LRBA: variants seen among roughly 807,000 people sequenced by gnomAD.
LRBA encodes the protein LPS responsive beige-like anchor protein, also known as lipopolysaccharide-responsive and beige-like anchor protein.
LRBA carries 176 observed loss-of-function variants against 330.0 expected under a neutral mutation model. The observed-to-expected ratio is 0.53, with a 90% CI of 0.47 to 0.60. The LOEUF (loss-of-function observed/expected upper bound fraction) is 0.60, where lower values mean the gene tolerates loss of function less well. LRBA is among the 20% of genes least tolerant of loss of function. LRBA has a pLI of 0.00. For synonymous variants in LRBA, 1,230 were observed against 1,193.0 expected, an observed-to-expected ratio of 1.03 and a Z score of -0.64; for missense variants, 3,259 against 3,444.8, an observed-to-expected ratio of 0.95 and a Z score of 1.35.
intron 31 of LRBA, among the ~76,000 whole-genome samples, chr4:150,810,586 C>G (rs138500691): frequency 3.4e-4 from 52 of 152,198 alleles, no homozygotes; most frequent in African/African-American, 1.2e-3. Flanking sequence ...CACACTTCAT[C>G]ATGCTGACAA....
chr4:150,277,722 G>A lies in LRBA; in HGVS notation c.8468+131C>T, dbSNP rs1746977050. ...TTGCAATGTTGCCCAGGCTGGCTTC[G>A]AACTCCTGGGCTCAAGTGATTCTCC... is the stretch of plus-strand genomic sequence containing the variant. On this transcript the variant is annotated intron_variant, in intron 56 of 56. Coordinates refer to ENST00000651943, the MANE Select transcript of LRBA (RefSeq NM_001364905.1). The A allele has an allele frequency of 1.3e-5, 13 of 971,610 alleles. No homozygotes were observed. In the Admixed American group the frequency reaches 1.9e-4, roughly 14 times the overall value. The allele number at this position is 971,610 out of a possible 1,614,324, so 60.2% of individuals were successfully genotyped here. A position where few individuals can be genotyped will look rare whatever the true frequency, so the allele number is the denominator to read the frequency against.
At chr4:150,486,845 T>G (rs541600406) in intron 42 of LRBA, among the ~76,000 whole-genome samples, 1 of 151,970 alleles carries the variant, frequency 6.6e-6, no homozygotes, top group South Asian at 2.1e-4. Context: ...TCTACTTCTA[T>G]GAGTCTAACT....
intron 2 of LRBA, among the ~76,000 whole-genome samples, chr4:151,010,831 C>T (rs1744743410): frequency 6.7e-6 from 1 of 148,440 alleles, no homozygotes; most frequent in Non-Finnish European, 1.5e-5. Context: ...TTGCAGTGAG[C>T]TGAGATCGCA....
rs558606456 is a variant in LRBA at position 150,295,679 on chromosome 4, T to C, written c.8017+6946A>G. 1.3e-4 allele frequency among the ~76,000 whole-genome samples: 20 copies of C among 152,316 alleles called. No homozygotes were observed. In the South Asian group the frequency reaches 4.1e-3, roughly 32 times the overall value. On this transcript the variant is annotated intron_variant, in intron 53 of 56. Transcript: ENST00000651943. ...TACTTTTTCTATGCATAAATGTACA[T>C]AGAATACAAGTGTATACACATATAG... is the stretch of plus-strand genomic sequence containing the variant.
chr4:150,681,088 T>C (rs1294065090), intron 37 of LRBA, among the ~76,000 whole-genome samples: 2 of 152,234 alleles, frequency 1.3e-5, no homozygotes, highest in Non-Finnish European at 2.9e-5. Context: ...GCAAAGAAAT[T>C]ATACTTAATT....
intron 47 of LRBA, among the ~76,000 whole-genome samples, chr4:150,399,023 T>C (rs1257496161): frequency 6.6e-6 from 1 of 151,946 alleles, no homozygotes; most frequent in Non-Finnish European, 1.5e-5. Flanking sequence ...GCAAAGAAAA[T>C]ATGGTTGCAG....
chr4:150,906,011 A>G (rs1344616015), intron 12 of LRBA, 21 bp from the exon 13 acceptor site: 2 of 1,606,646 alleles, frequency 1.2e-6, no homozygotes, highest in Non-Finnish European at 1.7e-6. Flanking sequence ...AGTAGTTCAA[A>G]TGTTACCACA....
At chr4:150,816,056 T>A (rs1744544941) in intron 31 of LRBA, among the ~76,000 whole-genome samples, 1 of 151,730 alleles carries the variant, frequency 6.6e-6, no homozygotes, top group Non-Finnish European at 1.5e-5. Flanking sequence ...ATAGTACACA[T>A]CAAGGAAAAA....
At chr4:150,549,034 C>G (rs1282144511) in intron 40 of LRBA, among the ~76,000 whole-genome samples, 1 of 152,012 alleles carries the variant, frequency 6.6e-6, no homozygotes, top group Admixed American at 6.5e-5. Flanking sequence ...CACCTATGTT[C>G]CAACCGTAAA....
intron 38 of LRBA, among the ~76,000 whole-genome samples, chr4:150,598,398 A>T (rs1051347666): frequency 6.6e-6 from 1 of 152,206 alleles, no homozygotes; most frequent in Non-Finnish European, 1.5e-5. Flanking sequence ...TCATAGTCAT[A>T]TGCATTGTAT....
At chr4:150,973,148 C>CTGTTTGTT (rs3033033) in intron 2 of LRBA, among the ~76,000 whole-genome samples, 5,522 of 149,544 alleles carry the variant, frequency 0.037, 104 homozygotes, top group Middle Eastern at 0.058. Flanking sequence ...TTTTGTCTGT[C>CTGTTTGTT]TGTTTGTTTG....
chr4:150,830,952 A>T (rs1747087117), intron 29 of LRBA, among the ~76,000 whole-genome samples: 1 of 151,788 alleles, frequency 6.6e-6, no homozygotes, highest in Non-Finnish European at 1.5e-5. Flanking sequence ...TTTAGTAGAG[A>T]TAGGGTTTTA....
At chr4:150,918,827 G>T (rs1240098707) in intron 5 of LRBA, among the ~76,000 whole-genome samples, 1 of 152,142 alleles carries the variant, frequency 6.6e-6, no homozygotes, top group Non-Finnish European at 1.5e-5. Context: ...ATTGCTGTGG[G>T]ATCGTAAAAT....
intron 36 of LRBA, among the ~76,000 whole-genome samples, chr4:150,722,919 G>A (rs2127087638): frequency 6.6e-6 from 1 of 152,128 alleles, no homozygotes; most frequent in Non-Finnish European, 1.5e-5. Flanking sequence ...CTCAACGACT[G>A]GAGAACTTTA....
intron 48 of LRBA, among the ~76,000 whole-genome samples, chr4:150,348,477 T>C (rs1292685723): frequency 6.6e-6 from 1 of 152,126 alleles, no homozygotes; most frequent in Non-Finnish European, 1.5e-5. Flanking sequence ...AAATTAGAAA[T>C]ACGGAGATTG....
At chr4:150,654,951 C>G (rs1024276666) in intron 37 of LRBA, among the ~76,000 whole-genome samples, 1 of 152,084 alleles carries the variant, frequency 6.6e-6, no homozygotes, top group Non-Finnish European at 1.5e-5. Context: ...CATTGTTGGA[C>G]ATTTGGGTTG....
intron 17 of LRBA, among the ~76,000 whole-genome samples, chr4:150,885,644 A>T (rs1327930883): frequency 1.3e-5 from 2 of 152,162 alleles, no homozygotes; most frequent in East Asian, 3.8e-4. Context: ...AATCACAACT[A>T]AACAAACCAC....
At chr4:151,001,814 T>C (rs2149652336) in intron 2 of LRBA, among the ~76,000 whole-genome samples, 1 of 152,274 alleles carries the variant, frequency 6.6e-6, no homozygotes, top group East Asian at 1.9e-4. Context: ...CCACTGATAC[T>C]GGTGCCAGTG....
In LRBA at chr4:150,849,426, G is replaced by A; in HGVS notation, c.4154C>T (p.Ala1385Val). 6.2e-7 allele frequency: 1 copy of A among 1,613,668 alleles called. No individual in the cohort carries two copies. The highest frequency in any genetic ancestry group is 8.5e-7 in the Non-Finnish European group (1 of 1,179,778). Residue 1385 changes from alanine to valine, a missense_variant, in exon 25 of 57, where the codon GCT (alanine) becomes GTT (valine). By Grantham distance (64) the Ala-to-Val change is moderately conservative. Coordinates refer to ENST00000651943, the MANE Select transcript of LRBA (RefSeq NM_001364905.1). ...CTATAGTAATTAAGTCCTTACTGTA[G>A]CCGATGTAGCAGCTGAAAGCAATGG... ...ILPLLSAATS[A>V]THELENIEPT... is the part of the protein sequence containing the mutation.
Sources: allele counts gnomAD v4.1 joint callset (sites outside exome capture counted in the v4.1 genomes callset), GRCh38; gene constraint gnomAD v4.1.1; transcripts MANE v1.5; gene names NCBI Gene and HGNC (gene_info 2026-07-23, HGNC 2026-07-21).